Variants in MYH14 observed in about 807,000 individuals in gnomAD.
MYH14 encodes the protein myosin heavy chain 14, also known as myosin-14.
A neutral mutation model predicts 255.5 loss-of-function variants in MYH14; 123 were observed. That is an observed-to-expected ratio of 0.48 (90% CI 0.42 to 0.56). MYH14 has a LOEUF of 0.56. Among genes scored for constraint, MYH14 ranks in the 20% least tolerant of loss-of-function variants. The probability of loss-of-function intolerance (pLI) is 0.00; values close to 1 mark genes in which losing one functional copy is unlikely to be tolerated. For synonymous variants in MYH14, 1,095 were observed against 1,161.2 expected, an observed-to-expected ratio of 0.94 and a Z score of 1.16; for missense variants, 2,423 against 2,802.3, an observed-to-expected ratio of 0.86 and a Z score of 3.06.
chr19:50,295,731 G>T (rs1289314545), intron 39 of MYH14, among the ~76,000 whole-genome samples: 1 of 151,330 alleles, frequency 6.6e-6, no homozygotes, highest in Admixed American at 6.6e-5. Context: ...GGTCGAAGCT[G>T]CAGTGAGCCA....
chr19:50,282,165 C>T (rs1172358489), intron 33 of MYH14, among the ~76,000 whole-genome samples: 2 of 152,226 alleles, frequency 1.3e-5, no homozygotes, highest in Non-Finnish European at 2.9e-5. Flanking sequence ...ACTCATCTCA[C>T]TTCTGCTGAT....
chr19:50,210,890 C>T (rs1222957896), intron 2 of MYH14, 120 bp downstream of exon 2: 2 of 1,450,010 alleles, frequency 1.4e-6, no homozygotes, highest in Non-Finnish European at 1.8e-6. Context: ...TCCCATGTCC[C>T]GTGACTGTTC....
rs1568458297 is a variant in MYH14 at position 50,207,256 on chromosome 19, AAAGAGAGAGAGAGACAGAGAGAG to A, written c.-3-3105_-3-3083del. Among the ~76,000 whole-genome samples, 83 of 135,724 alleles carry A rather than the reference AAAGAGAGAGAGAGACAGAGAGAG, an allele frequency of 6.1e-4. 2 individuals are homozygous for A. Among genetic ancestry groups the A allele is most frequent in the East Asian group, 2.0e-3 (9 of 4,538 alleles). The allele number at this position is 135,724 out of a possible 152,430, so 89.0% of individuals were successfully genotyped here. On this transcript the variant is annotated intron_variant, in intron 1 of 42. Transcript: ENST00000642316. Reference sequence around the variant, plus strand: ...AGAAAAAAGAGAGAGAGAGAGAGAGAAAGAGAGAGAGAGACAGAGAGAGAGAGAGAGAGAGAGAGAGAGAGAGA... The same window carrying A: ...AGAAAAAAGAGAGAGAGAGAGAGAGAAGAGAGAGAGAGAGAGAGAGAGAGA...
chr19:50,260,627 C>T lies in MYH14; in HGVS notation c.2355-19C>T. On this transcript the variant is annotated intron_variant, in intron 19 of 42. Transcript: ENST00000642316. ...TTTGCTGTAACTCTCTCCTCCCCACCCCTCCCTGCTCATTGCAGATACGAG... is the reference window on the plus strand; with the variant it reads ...TTTGCTGTAACTCTCTCCTCCCCACTCCTCCCTGCTCATTGCAGATACGAG... The T allele has an allele frequency of 6.3e-7, 1 of 1,599,120 alleles. No homozygotes were observed. Among genetic ancestry groups the T allele is most frequent in the African/African-American group, 1.3e-5 (1 of 74,532 alleles).
intron 22 of MYH14, among the ~76,000 whole-genome samples, chr19:50,264,660 G>A (rs2035017029): frequency 6.6e-6 from 1 of 152,124 alleles, no homozygotes; most frequent in African/African-American, 2.4e-5. Context: ...TTCCACACAG[G>A]GGCCACCAGC....
At chr19:50,269,594 C>T (rs1402274488) in intron 24 of MYH14, among the ~76,000 whole-genome samples, 1 of 152,142 alleles carries the variant, frequency 6.6e-6, no homozygotes, top group Non-Finnish European at 1.5e-5. Context: ...GTGAGGGGGG[C>T]CGACATCACA....
chr19:50,281,319 C>G (rs773413862), intron 32 of MYH14, among the ~76,000 whole-genome samples: 13 of 152,230 alleles, frequency 8.5e-5, no homozygotes, highest in Non-Finnish European at 1.9e-4. Flanking sequence ...CTGGCTGTGA[C>G]TCTGTGTCTC....
At chr19:50,273,632 G>GTGTGTGTGTGTGTGTGTGTGTGTGTGTGT (rs1568526399) in intron 27 of MYH14, among the ~76,000 whole-genome samples, 2 of 151,250 alleles carry the variant, frequency 1.3e-5, no homozygotes, top group Admixed American at 6.6e-5. Context: ...GTGTGTGTGT[G>GTGTGTGTGTGTGTGTGTGTGTGTGTGTGT]GTTAAGAACA....
In MYH14 at chr19:50,289,452, G is replaced by A. The variant is rs76509044; in HGVS notation, c.4769G>A (p.Arg1590Gln). ...DVGKSVHELERACRVAEQAAN... is the reference protein window; with the variant it reads ...DVGKSVHELEQACRVAEQAAN... Reference sequence around the variant, plus strand: ...CCCCACCAGGTGCATGAGCTGGAACGAGCCTGCCGGGTAGCAGAACAGGCA... The same window carrying A: ...CCCCACCAGGTGCATGAGCTGGAACAAGCCTGCCGGGTAGCAGAACAGGCA... The change falls in exon 35 of 43, where the codon CGA becomes CAA. Residue 1590 changes from arginine to glutamine, a missense_variant. Physicochemically the swap from Arg to Gln is conservative, Grantham distance 43. Coordinates refer to ENST00000642316, the MANE Select transcript of MYH14 (RefSeq NM_001145809.2). The A allele has an allele frequency of 5.6e-6, 9 of 1,609,990 alleles. No individual in the cohort carries two copies. The East Asian group carries it at 1.3e-4, about 24-fold the overall frequency.
In MYH14 at chr19:50,289,657, A is replaced by G; in HGVS notation, c.4965+9A>G. On this transcript the variant is annotated intron_variant, in intron 35 of 42. Coordinates refer to ENST00000642316, the MANE Select transcript of MYH14 (RefSeq NM_001145809.2). ...GGCAGCTGGCCAAGCAGGTATTGTC[A>G]CACAGAAGGCCACAGGGTGCCAGTC... 6.2e-7 allele frequency: 1 copy of G among 1,600,334 alleles called. No homozygotes were observed. The highest frequency in any genetic ancestry group is 8.5e-7 in the Non-Finnish European group (1 of 1,174,624).
intron 3 of MYH14, 121 bp downstream of exon 3, chr19:50,217,892 T>C (rs1568467942): frequency 2.4e-6 from 3 of 1,245,370 alleles, no homozygotes; most frequent in Non-Finnish European, 3.3e-6. Flanking sequence ...CTGTAGGGCT[T>C]CTTAGGGGGC....
intron 12 of MYH14, among the ~76,000 whole-genome samples, chr19:50,247,788 G>A (rs766234481): frequency 8.0e-4 from 122 of 152,018 alleles, no homozygotes; most frequent in Non-Finnish European, 1.5e-3. Context: ...CAGTGAGGCC[G>A]GGTGTGGGGG....
intron 15 of MYH14, among the ~76,000 whole-genome samples, chr19:50,251,521 TACACACACACACACACACAC>T (rs56728213): frequency 8.3e-5 from 6 of 72,596 alleles, no homozygotes; most frequent in African/African-American, 1.6e-4. Flanking sequence ...ATATACACAC[TACACACACACACACACACAC>T]ACACACACAC....
chr19:50,265,408 C>T (rs888785792), intron 22 of MYH14, among the ~76,000 whole-genome samples: 2 of 151,954 alleles, frequency 1.3e-5, no homozygotes, highest in African/African-American at 4.8e-5. Context: ...GTAGTCCCAG[C>T]TACTTGGGAC....
At chr19:50,302,385 C>T (rs573088142) in intron 40 of MYH14, among the ~76,000 whole-genome samples, 4 of 151,236 alleles carry the variant, frequency 2.6e-5, no homozygotes, top group East Asian at 1.9e-4. Context: ...AGTTTGAGAC[C>T]AGCCTAGCCA....
At chr19:50,253,414 G>T (rs1266400748) in intron 16 of MYH14, among the ~76,000 whole-genome samples, 1 of 149,998 alleles carries the variant, frequency 6.7e-6, no homozygotes, top group Non-Finnish European at 1.5e-5. Flanking sequence ...CTGCAATCCA[G>T]CCTGGGTGAC....
rs899852524 is a variant in MYH14 at position 50,266,601 on chromosome 19, T to C, written c.2695-276T>C. 6.6e-6 allele frequency among the ~76,000 whole-genome samples: 1 copy of C among 152,028 alleles called. No homozygotes were observed. The highest frequency in any genetic ancestry group is 1.5e-5 in the Non-Finnish European group (1 of 67,962). On this transcript the variant is annotated intron_variant, in intron 22 of 42. Coordinates refer to ENST00000642316, the MANE Select transcript of MYH14 (RefSeq NM_001145809.2). The surrounding 1 kb of genome is among the most constrained non-coding windows in gnomAD (Gnocchi z 4.1). Reference sequence around the variant, plus strand: ...AGGAAAAAAGGAAGGAAGGAAGGACTGTTCCACAGAATAGCAGCAGCCACA... The same window carrying C: ...AGGAAAAAAGGAAGGAAGGAAGGACCGTTCCACAGAATAGCAGCAGCCACA...
At position 50,249,420 on chromosome 19, in the gene MYH14, CCTGTCTCTGGGTCTCTGCCTCT is replaced by C. The variant is rs2034269302; in HGVS notation, c.1483-212_1483-191del. The C allele has an allele frequency of 1.0e-4, 64 of 628,366 alleles. No homozygotes were observed. The East Asian group carries it at 1.8e-3, about 17-fold the overall frequency. The allele number at this position is 628,366 out of a possible 1,614,324, so 38.9% of individuals were successfully genotyped here. ...GTCCTCTCTCTCTGCATCTCTGTCC[CCTGTCTCTGGGTCTCTGCCTCT>C]CTGTCTCTGGGTCTCTGTCCCCTGT... On this transcript the variant is annotated intron_variant, in intron 13 of 42. Transcript: ENST00000642316.
In MYH14 at chr19:50,260,693, G is replaced by C; in HGVS notation, c.2402G>C (p.Gly801Ala). The change falls in exon 20 of 43, where the codon GGG becomes GCG. Residue 801 changes from glycine to alanine, a missense_variant. Transcript: ENST00000642316. ...GCCATCCCCAAGGGCTTCATGGATGGGAAGCAGGCCTGTGAAAAGATGGTG... is the reference window on the plus strand; with the variant it reads ...GCCATCCCCAAGGGCTTCATGGATGCGAAGCAGGCCTGTGAAAAGATGGTG... ...PNAIPKGFMDGKQACEKMIQA... is the reference protein window; with the variant it reads ...PNAIPKGFMDAKQACEKMIQA... 1 of 1,613,496 alleles carries C rather than the reference G, an allele frequency of 6.2e-7. No homozygotes were observed. The highest frequency in any genetic ancestry group is 8.5e-7 in the Non-Finnish European group (1 of 1,179,754).
Sources: allele counts gnomAD v4.1 joint callset (sites outside exome capture counted in the v4.1 genomes callset), GRCh38; gene constraint gnomAD v4.1.1; non-coding constraint Gnocchi (gnomAD v3.1); transcripts MANE v1.5; gene names NCBI Gene and HGNC (gene_info 2026-07-23, HGNC 2026-07-21).